The following SLC35F1 variants were observed in gnomAD, a reference collection of about 807,000 sequenced individuals.
SLC35F1 encodes solute carrier family 35 member F1.
SLC35F1 carries 14 observed loss-of-function variants against 48.7 expected under a neutral mutation model. That is an observed-to-expected ratio of 0.29 (90% CI 0.19 to 0.45). SLC35F1 has a LOEUF of 0.45. Among genes scored for constraint, SLC35F1 ranks in the 20% least tolerant of loss-of-function variants. SLC35F1 has a pLI of 1.00. For synonymous variants in SLC35F1, 190 were observed against 202.2 expected (o/e 0.94, Z 0.51); for missense variants, 404 against 500.0 (o/e 0.81, Z 1.83).
intron 1 of SLC35F1, chr6:117,999,176 C>CA (rs1777047397): frequency 1.9e-6 from 3 of 1,594,434 alleles, no homozygotes; most frequent in Non-Finnish European, 2.6e-6. Context: ...CATGAGTGCA[C>CA]GTGCCGAGGC....
At chr6:118,136,215 A>C (rs1773792520) in intron 1 of SLC35F1, among the ~76,000 whole-genome samples, 1 of 152,138 alleles carries the variant, frequency 6.6e-6, no homozygotes, top group African/African-American at 2.4e-5. Context: ...CTACATTTAC[A>C]TTGGAGTATT....
In SLC35F1 at chr6:118,281,202, C is replaced by CTATATA. The variant is rs1385900669; in HGVS notation, c.847+3657_847+3658insATATAT. Among the ~76,000 whole-genome samples the CTATATA allele has an allele frequency of 8.3e-3, 1,057 of 127,216 alleles. 4 individuals are homozygous for CTATATA. Among genetic ancestry groups the CTATATA allele is most frequent in the Non-Finnish European group, 9.2e-3 (547 of 59,604 alleles). 83.5% of individuals were successfully genotyped at this position (127,216 alleles called of 152,430 possible). ...TCTCTCTCTCTCTCTCTCTCTCTCT[C>CTATATA]TCTATATATATATATATATAAAATA... On this transcript the variant is annotated intron_variant, in intron 6 of 7. Coordinates refer to ENST00000360388, the MANE Select transcript of SLC35F1 (RefSeq NM_001029858.4).
intron 2 of SLC35F1, among the ~76,000 whole-genome samples, chr6:118,222,923 A>T (rs1775169552): frequency 6.6e-6 from 1 of 152,142 alleles, no homozygotes; most frequent in African/African-American, 2.4e-5. Flanking sequence ...CCTGACCCAG[A>T]TCTGCAATCA....
At chr6:117,995,738 C>T (rs1257532310) in intron 1 of SLC35F1, among the ~76,000 whole-genome samples, 3 of 151,350 alleles carry the variant, frequency 2.0e-5, no homozygotes, top group African/African-American at 7.3e-5. Context: ...AAGACTCTGT[C>T]TCGAAAAAAT....
At chr6:118,065,331 C>T (rs9481763) in intron 1 of SLC35F1, among the ~76,000 whole-genome samples, 27,920 of 152,076 alleles carry the variant, frequency 0.18, 2,889 homozygotes, top group Middle Eastern at 0.27. Context: ...ATTTTTAACA[C>T]GATTTTATAG....
intron 1 of SLC35F1, among the ~76,000 whole-genome samples, chr6:118,106,242 C>T (rs1164473353): frequency 6.6e-6 from 1 of 152,150 alleles, no homozygotes; most frequent in African/African-American, 2.4e-5. Context: ...ATCCCTTCTG[C>T]TTTCTCTAGA....
At chr6:118,200,155 CATAT>C (rs1006850187) in intron 2 of SLC35F1, among the ~76,000 whole-genome samples, 14 of 132,798 alleles carry the variant, frequency 1.1e-4, no homozygotes, top group South Asian at 4.8e-4. Context: ...GACATACATA[CATAT>C]ATACATACAT....
intron 1 of SLC35F1, among the ~76,000 whole-genome samples, chr6:117,931,389 C>A (rs1411456995): frequency 6.6e-6 from 1 of 152,164 alleles, no homozygotes; most frequent in African/African-American, 2.4e-5. Flanking sequence ...GATAAACCTG[C>A]AGCTGGTCAT....
intron 1 of SLC35F1, among the ~76,000 whole-genome samples, chr6:117,955,653 A>G (rs1184625405): frequency 6.6e-6 from 1 of 152,188 alleles, no homozygotes; most frequent in Non-Finnish European, 1.5e-5. Context: ...AGGTGAAGAA[A>G]ATAAGTTAGA....
At chr6:118,143,477 T>G (rs1224340108) in intron 1 of SLC35F1, among the ~76,000 whole-genome samples, 1 of 152,184 alleles carries the variant, frequency 6.6e-6, no homozygotes, top group African/African-American at 2.4e-5. Context: ...TAATACTCAT[T>G]TCATGTAAGA....
intron 1 of SLC35F1, among the ~76,000 whole-genome samples, chr6:118,048,266 CTGCTGGAT>C (rs1772329904): frequency 6.6e-6 from 1 of 152,066 alleles, no homozygotes; most frequent in Non-Finnish European, 1.5e-5. Flanking sequence ...TTTTGATGTG[CTGCTGGAT>C]TCGGTTTGCC....
chr6:117,923,164 A>C (rs1465637871), intron 1 of SLC35F1, among the ~76,000 whole-genome samples: 3 of 152,170 alleles, frequency 2.0e-5, no homozygotes, highest in Non-Finnish European at 4.4e-5. Flanking sequence ...ATTATACATG[A>C]CAATACAGCC....
intron 2 of SLC35F1, among the ~76,000 whole-genome samples, chr6:118,178,942 A>G (rs970371052): frequency 1.3e-5 from 2 of 152,174 alleles, no homozygotes; most frequent in African/African-American, 4.8e-5. Context: ...CCACGTTATT[A>G]CAATTTTTAA....
chr6:117,941,830 A>G lies in SLC35F1; in HGVS notation c.173+33931A>G, dbSNP rs375269841. Among the ~76,000 whole-genome samples the G allele has an allele frequency of 5.3e-5, 8 of 152,186 alleles. No individual in the cohort carries two copies. The East Asian group carries it at 7.7e-4, about 15-fold the overall frequency. ...AACAGTCCTGCTCCCCCAATCCCCG[A>G]TGTGGGATTCCCCATCCACATATGG... is the stretch of plus-strand genomic sequence containing the variant. On this transcript the variant is annotated intron_variant, in intron 1 of 7. Transcript: ENST00000360388.
At chr6:118,014,067 G>C (rs570296947) in intron 1 of SLC35F1, among the ~76,000 whole-genome samples, 1 of 152,152 alleles carries the variant, frequency 6.6e-6, no homozygotes, top group Non-Finnish European at 1.5e-5. Flanking sequence ...ACTTGCATTC[G>C]AATCAGTGTT....
rs530929372 is a variant in SLC35F1 at position 118,285,790 on chromosome 6, T to C, written c.1002+452T>C. 7.0e-4 allele frequency among the ~76,000 whole-genome samples: 106 copies of C among 152,292 alleles called. 1 individual carries two copies. The highest frequency in any genetic ancestry group is 7.9e-4 in the Non-Finnish European group (54 of 68,030). On this transcript the variant is annotated intron_variant, in intron 7 of 7. Coordinates refer to ENST00000360388, the MANE Select transcript of SLC35F1 (RefSeq NM_001029858.4). ...CAGATTTTTTTATAGCAAATATGAA[T>C]GGAAAATGCTAATGCACTAGAAATA...
intron 1 of SLC35F1, among the ~76,000 whole-genome samples, chr6:118,043,132 T>A (rs563426908): frequency 1.3e-5 from 2 of 152,278 alleles, no homozygotes; most frequent in Non-Finnish European, 2.9e-5. Flanking sequence ...AATCATGCAT[T>A]TCACTTCTCC....
intron 2 of SLC35F1, among the ~76,000 whole-genome samples, chr6:118,234,851 T>A (rs908890526): frequency 6.8e-6 from 1 of 147,420 alleles, no homozygotes; most frequent in Non-Finnish European, 1.5e-5. Flanking sequence ...AATGAAGAAC[T>A]AAGAGATTCA....
chr6:118,001,118 C>G (rs1311251840), intron 1 of SLC35F1, among the ~76,000 whole-genome samples: 1 of 152,042 alleles, frequency 6.6e-6, no homozygotes, highest in Non-Finnish European at 1.5e-5. Flanking sequence ...TCATATGGAA[C>G]CAAAAAAGAG....
Sources: gnomAD v4.1 joint callset for allele counts (sites outside exome capture counted in the v4.1 genomes callset) on GRCh38, gnomAD v4.1.1 for gene constraint, MANE v1.5 for transcripts, NCBI Gene and HGNC (gene_info 2026-07-23, HGNC 2026-07-21) for gene names.